Variants in CCDC7 observed in about 807,000 individuals in gnomAD.
CCDC7 encodes coiled-coil domain containing 7.
CCDC7 carries 183 observed loss-of-function variants against 196.9 expected under a neutral mutation model. The ratio of observed to expected loss-of-function variants is 0.93; its 90% CI spans 0.82 to 1.05. CCDC7 has a LOEUF of 1.05. Among genes scored for constraint, CCDC7 ranks in the 50% least tolerant of loss-of-function variants. The pLI is 0.00. For synonymous variants in CCDC7, 525 were observed against 484.6 expected (o/e 1.08, Z -1.10); for missense variants, 1,540 against 1,482.2 (o/e 1.04, Z -0.64).
chr10:32,711,507 T>C (rs937907028), intron 24 of CCDC7, 113 bp from the exon 26 acceptor site: 1 of 635,934 alleles, frequency 1.6e-6, no homozygotes, highest in Non-Finnish European at 2.7e-6. Flanking sequence ...AGTTTACTTA[T>C]AACTTTATAA....
chr10:32,484,716 G>C (rs2040665332), intron 8 of CCDC7, among the ~76,000 whole-genome samples: 1 of 152,164 alleles, frequency 6.6e-6, no homozygotes, highest in South Asian at 2.1e-4. Context: ...AAGCGCTGTT[G>C]AATTTTGTCA....
At chr10:32,534,704 T>C (rs758179495) in intron 11 of CCDC7, among the ~76,000 whole-genome samples, 71 of 152,104 alleles carry the variant, frequency 4.7e-4, no homozygotes, top group Non-Finnish European at 8.1e-4. Flanking sequence ...GTAGGAAGGC[T>C]GGCCAGGGAT....
chr10:32,473,475 T>C (rs965152092), intron 7 of CCDC7, among the ~76,000 whole-genome samples: 1 of 152,184 alleles, frequency 6.6e-6, no homozygotes, highest in Non-Finnish European at 1.5e-5. Context: ...ATAATAATCA[T>C]TGAAGATTTT....
At chr10:32,717,800 A>G (rs2081839184) in intron 25 of CCDC7, among the ~76,000 whole-genome samples, 1 of 151,978 alleles carries the variant, frequency 6.6e-6, no homozygotes, top group Non-Finnish European at 1.5e-5. Flanking sequence ...ATTCCTGGAC[A>G]CATACAGCTT....
At position 32,746,963 on chromosome 10, in the gene CCDC7, A is replaced by C. The variant is rs117502367; in HGVS notation, c.2905+17506A>C. Reference sequence around the variant, plus strand: ...TCACAGCCAGCACATGCACATGTGCAGAATCCACAGTGCTGCTGCCTAGTC... The same window carrying C: ...TCACAGCCAGCACATGCACATGTGCCGAATCCACAGTGCTGCTGCCTAGTC... On this transcript the variant is annotated intron_variant, in intron 28 of 41. Transcript: ENST00000639629. 6.4e-3 allele frequency among the ~76,000 whole-genome samples: 977 copies of C among 152,356 alleles called. 15 individuals are homozygous for C. Among genetic ancestry groups the C allele is most frequent in the Middle Eastern group, 0.027 (8 of 294 alleles).
At chr10:32,742,710 C>T (rs1263773960) in intron 28 of CCDC7, among the ~76,000 whole-genome samples, 1 of 152,194 alleles carries the variant, frequency 6.6e-6, no homozygotes, top group Admixed American at 6.6e-5. Context: ...GATCAATGTG[C>T]TGACTGGTGA....
intron 24 of CCDC7, among the ~76,000 whole-genome samples, chr10:32,703,702 C>A (rs1258434311): frequency 6.6e-6 from 1 of 152,036 alleles, no homozygotes; most frequent in Non-Finnish European, 1.5e-5. Flanking sequence ...TTCTTGGAGT[C>A]TTTGTTCATT....
intron 18 of CCDC7, among the ~76,000 whole-genome samples, chr10:32,601,625 G>A (rs1590397561): frequency 6.6e-6 from 1 of 152,134 alleles, no homozygotes; most frequent in Non-Finnish European, 1.5e-5. Flanking sequence ...GCACCAATCA[G>A]CACTCTGTAA....
chr10:32,560,217 G>A (rs1388288804), intron 13 of CCDC7, among the ~76,000 whole-genome samples: 1 of 152,214 alleles, frequency 6.6e-6, no homozygotes, highest in Non-Finnish European at 1.5e-5. Context: ...GAAAATGACA[G>A]GGAGAATGGA....
At chr10:32,619,770 A>T (rs552259049) in intron 18 of CCDC7, among the ~76,000 whole-genome samples, 7 of 151,608 alleles carry the variant, frequency 4.6e-5, no homozygotes, top group African/African-American at 2.4e-5. Flanking sequence ...TTTTAAAAAA[A>T]ATTTTTTTTG....
chr10:32,769,545 G>A (rs142253412), intron 28 of CCDC7, among the ~76,000 whole-genome samples: 7,163 of 151,966 alleles, frequency 0.047, 221 homozygotes, highest in Middle Eastern at 0.071. Flanking sequence ...GTTTTGTTAC[G>A]TAGGTATACA....
At chr10:32,511,860 G>A in intron 9 of CCDC7, 1 of 655,838 alleles carries the variant, frequency 1.5e-6, no homozygotes, top group East Asian at 2.7e-5. Flanking sequence ...TCTCACCAAT[G>A]TATAGCTTTT....
chr10:32,595,631 T>A (rs1392404862), intron 18 of CCDC7, among the ~76,000 whole-genome samples: 1 of 152,222 alleles, frequency 6.6e-6, no homozygotes, highest in Non-Finnish European at 1.5e-5. Flanking sequence ...TTAATTGTGA[T>A]GTTAGGGTGT....
At chr10:32,850,057 G>C (rs776391176) in intron 39 of CCDC7, among the ~76,000 whole-genome samples, 3 of 152,098 alleles carry the variant, frequency 2.0e-5, no homozygotes, top group Admixed American at 6.6e-5. Flanking sequence ...GGGAGGAATT[G>C]CTACTTTTGG....
chr10:32,774,815 A>ATT (rs2079726385), intron 28 of CCDC7, among the ~76,000 whole-genome samples: 1 of 152,156 alleles, frequency 6.6e-6, no homozygotes, highest in Non-Finnish European at 1.5e-5. Context: ...GGGAACTTCT[A>ATT]AATAATAAAG....
chr10:32,551,288 C>CT (rs1475547397), intron 13 of CCDC7, among the ~76,000 whole-genome samples: 1 of 152,026 alleles, frequency 6.6e-6, no homozygotes, highest in Non-Finnish European at 1.5e-5. Flanking sequence ...GATTTTCTCT[C>CT]TTCTTTTCTC....
intron 21 of CCDC7, among the ~76,000 whole-genome samples, chr10:32,669,109 A>G (rs889677283): frequency 2.0e-5 from 3 of 152,032 alleles, no homozygotes; most frequent in Non-Finnish European, 4.4e-5. Context: ...TTATTTTGAA[A>G]TGATTTGGAA....
chr10:32,633,097 C>T (rs2139532316), intron 18 of CCDC7, among the ~76,000 whole-genome samples: 1 of 152,210 alleles, frequency 6.6e-6, no homozygotes, highest in African/African-American at 2.4e-5. Flanking sequence ...AATGATTGGG[C>T]ATGAAAGTTC....
intron 9 of CCDC7, among the ~76,000 whole-genome samples, chr10:32,508,748 AG>A (rs2045604169): frequency 6.6e-6 from 1 of 151,822 alleles, no homozygotes; most frequent in Non-Finnish European, 1.5e-5. Context: ...CTCCTGCCTC[AG>A]CCTCCCAAGT....
Sources: allele counts gnomAD v4.1 joint callset (sites outside exome capture counted in the v4.1 genomes callset), GRCh38; gene constraint gnomAD v4.1.1; transcripts MANE v1.5; gene names NCBI Gene and HGNC (gene_info 2026-07-23, HGNC 2026-07-21).